TMEM87B: variants seen among roughly 807,000 people sequenced by gnomAD.
The protein encoded by TMEM87B is transmembrane protein 87B.
A neutral mutation model predicts 80.3 loss-of-function variants in TMEM87B; 83 were observed. The observed-to-expected ratio is 1.03, with a 90% CI of 0.87 to 1.24. The LOEUF (loss-of-function observed/expected upper bound fraction) is 1.24, where lower values mean the gene tolerates loss of function less well. TMEM87B is among the 50% of genes most tolerant of loss of function. The pLI, the probability that TMEM87B is intolerant of heterozygous loss-of-function variation, is 0.00. For synonymous variants in TMEM87B, 219 were observed against 230.5 expected (o/e 0.95, Z 0.45); for missense variants, 625 against 674.4 (o/e 0.93, Z 0.81).
intron 17 of TMEM87B, among the ~76,000 whole-genome samples, chr2:112,110,978 C>T (rs753415461): frequency 9.2e-5 from 14 of 152,082 alleles, no homozygotes; most frequent in African/African-American, 2.4e-4. Flanking sequence ...ATTTTGTCTA[C>T]GGTTGTCTGA....
In TMEM87B at chr2:112,081,299, A is replaced by G. The variant is rs762458345; in HGVS notation, c.655-36A>G. ...AAGTGCCAACTTTCAAATGACCAAA[A>G]GGCTTAACTGACTAAAATTGCTTCT... On this transcript the variant is annotated intron_variant, in intron 7 of 18. Transcript: ENST00000283206. The G allele has an allele frequency of 3.9e-6, 6 of 1,554,012 alleles. No homozygotes were observed. The Admixed American group carries it at 1.2e-4, about 31-fold the overall frequency.
At chr2:112,074,075 G>T (rs1678738688) in intron 4 of TMEM87B, among the ~76,000 whole-genome samples, 1 of 151,996 alleles carries the variant, frequency 6.6e-6, no homozygotes, top group Non-Finnish European at 1.5e-5. Context: ...TTTTAATTGG[G>T]GCTTTTAGTG....
chr2:112,083,219 A>G (rs1679053014), intron 8 of TMEM87B, among the ~76,000 whole-genome samples: 1 of 152,190 alleles, frequency 6.6e-6, no homozygotes, highest in Non-Finnish European at 1.5e-5. Context: ...TAAACTTAGT[A>G]TAGCTGACTT....
chr2:112,074,995 T>C (rs1187335511), intron 5 of TMEM87B, 33 bp downstream of exon 5: 5 of 1,572,812 alleles, frequency 3.2e-6, no homozygotes, highest in East Asian at 4.6e-5. Flanking sequence ...AAATCAAATA[T>C]ACACAAGTTA....
chr2:112,109,774 T>G (rs1167630500), intron 17 of TMEM87B, among the ~76,000 whole-genome samples: 3 of 147,478 alleles, frequency 2.0e-5, no homozygotes, highest in Non-Finnish European at 4.5e-5. Context: ...TTTTTTTTTT[T>G]TTTTTGAGAC....
intron 2 of TMEM87B, among the ~76,000 whole-genome samples, chr2:112,061,891 T>C (rs1160452692): frequency 6.6e-6 from 1 of 152,198 alleles, no homozygotes; most frequent in Admixed American, 6.5e-5. Context: ...TCTTGAACCA[T>C]GACCACAGCT....
At chr2:112,095,589 TA>T (rs1219212024) in intron 11 of TMEM87B, 3 of 608,298 alleles carry the variant, frequency 4.9e-6, no homozygotes, top group Admixed American at 6.3e-5. Flanking sequence ...GAATAAAGTA[TA>T]TTTGCATTTT....
intron 1 of TMEM87B, among the ~76,000 whole-genome samples, chr2:112,058,197 G>A (rs2104450830): frequency 6.6e-6 from 1 of 152,316 alleles, no homozygotes; most frequent in South Asian, 2.1e-4. Context: ...AGCAGTGCAG[G>A]AAATTATTGG....
chr2:112,081,338 T>A lies in TMEM87B; in HGVS notation c.658T>A (p.Tyr220Asn). Residue 220 changes from tyrosine to asparagine, a missense_variant, in exon 8 of 19, where the codon TAC becomes AAC. By Grantham distance (143) the Tyr-to-Asn change is moderately radical. Coordinates refer to ENST00000283206, the MANE Select transcript of TMEM87B (RefSeq NM_032824.3). The part of the protein sequence containing the change: ...SASDWPLMIF[Y>N]MVMCIVYILY... ...AAAATTGCTTCTCTTCCTACAGTTTTACATGGTGATGTGTATTGTTTATAT... is the reference window on the plus strand; with the variant it reads ...AAAATTGCTTCTCTTCCTACAGTTTAACATGGTGATGTGTATTGTTTATAT... 5 of 1,592,820 alleles carry A rather than the reference T, an allele frequency of 3.1e-6. No homozygotes were observed. Among genetic ancestry groups the A allele is most frequent in the Non-Finnish European group, 4.3e-6 (5 of 1,172,636 alleles).
chr2:112,065,455 G>A (rs1678395527), intron 3 of TMEM87B, among the ~76,000 whole-genome samples: 1 of 151,980 alleles, frequency 6.6e-6, no homozygotes, highest in South Asian at 2.1e-4. Flanking sequence ...AGACCAGCCT[G>A]GGCAACAAGT....
At chr2:112,066,338 G>C (rs1035707771) in intron 3 of TMEM87B, among the ~76,000 whole-genome samples, 1 of 152,096 alleles carries the variant, frequency 6.6e-6, no homozygotes, top group African/African-American at 2.4e-5. Flanking sequence ...TTGTTATATA[G>C]GTTATAATCT....
At chr2:112,091,851 A>G in intron 11 of TMEM87B, 68 bp downstream of exon 11, 1 of 1,227,802 alleles carries the variant, frequency 8.1e-7, no homozygotes, top group Admixed American at 2.0e-5. Context: ...GTAATTTGTA[A>G]TAACAATAGA....
chr2:112,110,417 T>C (rs1291146160), intron 17 of TMEM87B, among the ~76,000 whole-genome samples: 5 of 152,218 alleles, frequency 3.3e-5, no homozygotes, highest in Admixed American at 3.3e-4. Context: ...CTGTAGAATG[T>C]TTTTAATATT....
At position 112,095,936 on chromosome 2, in the gene TMEM87B, GC is replaced by G. The variant is rs551927168; in HGVS notation, c.1105-1107del. ...GAGTCAGTGGAAAAGTCTTCTTTTT[GC>G]TTCTTCATCCTTGGCAATGTTGAAC... On this transcript the variant is annotated intron_variant, in intron 11 of 18. Coordinates refer to ENST00000283206, the MANE Select transcript of TMEM87B (RefSeq NM_032824.3). Among the ~76,000 whole-genome samples the G allele has an allele frequency of 1.2e-3, 188 of 152,104 alleles. 1 individual carries two copies. Among genetic ancestry groups the G allele is most frequent in the African/African-American group, 4.4e-3 (183 of 41,484 alleles).
Position 112,097,136 on chromosome 2 carries a change from G to T in TMEM87B, c.1197G>T (p.Leu399=), listed in dbSNP as rs1045279954. The T allele has an allele frequency of 1.9e-6, 3 of 1,607,254 alleles. No individual in the cohort carries two copies. The Admixed American group carries it at 5.1e-5, about 27-fold the overall frequency. The change falls in exon 12 of 19, where the codon CTG becomes CTT. Residue 399 remains leucine, a synonymous_variant. Coordinates refer to ENST00000283206, the MANE Select transcript of TMEM87B (RefSeq NM_032824.3). The stretch of plus-strand genomic sequence containing the variant: ...TATATAGACATTTTAAAAATACTCT[G>T]ATCTTTGCTGTGCTGGGTAAGCTAT... ...FSLYRHFKNT[L]IFAVLASIVF... is the part of the protein sequence containing the mutation.
intron 6 of TMEM87B, among the ~76,000 whole-genome samples, chr2:112,080,818 T>C (rs1373197193): frequency 6.6e-6 from 1 of 152,240 alleles, no homozygotes; most frequent in East Asian, 1.9e-4. Flanking sequence ...ACCAGTGTTA[T>C]GTAGTGTTCT....
intron 6 of TMEM87B, among the ~76,000 whole-genome samples, chr2:112,077,563 T>A (rs59456506): frequency 0.075 from 11,372 of 152,266 alleles, 943 homozygotes; most frequent in African/African-American, 0.21. Flanking sequence ...ATTAAAAAAA[T>A]TTTTTTAACA....
At chr2:112,109,028 T>A (rs1468973652) in intron 17 of TMEM87B, among the ~76,000 whole-genome samples, 1 of 152,244 alleles carries the variant, frequency 6.6e-6, no homozygotes, top group Non-Finnish European at 1.5e-5. Flanking sequence ...TGATATGTCA[T>A]CGCATTTATG....
At chr2:112,077,121 A>G in intron 5 of TMEM87B, 71 bp from the exon 6 acceptor site, 1 of 674,446 alleles carries the variant, frequency 1.5e-6, no homozygotes, top group Non-Finnish European at 2.4e-6. Context: ...AAATATGGCA[A>G]ACAGTTGTTC....
Sources: gnomAD v4.1 joint callset for allele counts (sites outside exome capture counted in the v4.1 genomes callset) on GRCh38, gnomAD v4.1.1 for gene constraint, MANE v1.5 for transcripts, NCBI Gene and HGNC (gene_info 2026-07-23, HGNC 2026-07-21) for gene names.